PDE1C: variants seen among roughly 807,000 people sequenced by gnomAD.
PDE1C encodes phosphodiesterase 1C.
PDE1C carries 62 observed loss-of-function variants against 93.1 expected under a neutral mutation model. The ratio of observed to expected loss-of-function variants is 0.67; its 90% CI spans 0.54 to 0.82. The LOEUF is 0.82. PDE1C is among the 40% of genes least tolerant of loss of function. The pLI is 0.00. For missense variants in PDE1C, 742 were observed against 884.6 expected (o/e 0.84, Z 2.04); for synonymous variants, 325 against 310.1 (o/e 1.05, Z -0.50).
At chr7:31,688,861 C>T in the PDE1C span, among the ~76,000 whole-genome samples, 4 of 152,292 alleles carry the variant, frequency 2.6e-5, no homozygotes, top group African/African-American at 7.2e-5. Flanking sequence ...AAGAGTAATT[C>T]GATCAATACT....
At chr7:31,818,867 T>G (rs1393303418) in intron 14 of PDE1C, among the ~76,000 whole-genome samples, 1 of 152,178 alleles carries the variant, frequency 6.6e-6, no homozygotes, top group Non-Finnish European at 1.5e-5. Context: ...CTGAAGGTAT[T>G]AAATGCTGGT....
At chr7:31,725,253 G>T in the PDE1C span, among the ~76,000 whole-genome samples, 1 of 152,146 alleles carries the variant, frequency 6.6e-6, no homozygotes. Context: ...GTACTGGTAG[G>T]TATGAAGGGA....
intron 8 of PDE1C, among the ~76,000 whole-genome samples, chr7:31,850,228 G>A (rs1793162819): frequency 6.6e-6 from 1 of 152,090 alleles, no homozygotes; most frequent in Non-Finnish European, 1.5e-5. Context: ...TCAGAGATCA[G>A]AGGGTAAGAT....
At chr7:32,056,363 A>T (rs867343187) in intron 1 of PDE1C, among the ~76,000 whole-genome samples, 63 of 78,052 alleles carry the variant, frequency 8.1e-4, no homozygotes, top group African/African-American at 9.5e-4. Flanking sequence ...TCTCTCTCTC[A>T]CTGAAACACA....
At chr7:31,760,759 T>TACACACACACACACAC (rs10573498) in intron 17 of PDE1C, among the ~76,000 whole-genome samples, 11 of 148,690 alleles carry the variant, frequency 7.4e-5, no homozygotes, top group East Asian at 2.0e-4. Flanking sequence ...CTGCAATGTG[T>TACACACACACACACAC]ACACACACAC....
At chr7:31,902,363 C>G (rs1800089644) in intron 2 of PDE1C, among the ~76,000 whole-genome samples, 1 of 151,852 alleles carries the variant, frequency 6.6e-6, no homozygotes, top group Non-Finnish European at 1.5e-5. Flanking sequence ...TAAAATTTCA[C>G]TGGGATTTCA....
chr7:31,851,098 ACAT>A (rs796194711), intron 7 of PDE1C, among the ~76,000 whole-genome samples: 197 of 1,744 alleles, frequency 0.11, 3 homozygotes, highest in East Asian at 0.5. Context: ...ACACACACAC[ACAT>A]AAAAAAATTA....
chr7:32,302,106 C>G (rs964596893), upstream of PDE1C, among the ~76,000 whole-genome samples: 1 of 152,146 alleles, frequency 6.6e-6, no homozygotes, highest in African/African-American at 2.4e-5. Context: ...ACCATATGGC[C>G]TGCAAAGCCA....
intron 2 of PDE1C, among the ~76,000 whole-genome samples, chr7:31,899,243 A>G (rs1799682884): frequency 6.9e-6 from 1 of 145,976 alleles, no homozygotes; most frequent in South Asian, 2.1e-4. Flanking sequence ...GGTTCACACC[A>G]TTCTCCTGCG....
the PDE1C span, chr7:31,697,043 A>T: frequency 6.2e-7 from 1 of 1,614,184 alleles, no homozygotes; most frequent in Non-Finnish European, 8.5e-7. Flanking sequence ...CCTGTTCTTC[A>T]TAACACTGAC....
rs1562791614 is a variant in PDE1C at position 31,786,900 on chromosome 7, TCTATCTATCTATCTATCTATC to T, written c.1892-11189_1892-11169del. The stretch of plus-strand genomic sequence containing the variant: ...AGAAGAAAATATATTATATTATCTA[TCTATCTATCTATCTATCTATC>T]TATCTATCTATCTATCTATCTATCT... On this transcript the variant is annotated intron_variant, in intron 16 of 17. Transcript: ENST00000396191. The T allele has an allele frequency of 0.031, 159 of 5,132 alleles. No homozygotes were observed. In the Middle Eastern group the frequency reaches 0.4, roughly 13 times the overall value. 0.3% of individuals were successfully genotyped at this position (5,132 alleles called of 1,614,324 possible).
At chr7:31,892,725 G>A (rs1798799787) in intron 2 of PDE1C, among the ~76,000 whole-genome samples, 1 of 152,010 alleles carries the variant, frequency 6.6e-6, no homozygotes, top group Non-Finnish European at 1.5e-5. Flanking sequence ...GTCTTTCTGT[G>A]TCTGGCTTAT....
the PDE1C span, among the ~76,000 whole-genome samples, chr7:31,743,332 G>A: frequency 2.0e-4 from 30 of 152,000 alleles, no homozygotes; most frequent in African/African-American, 5.5e-4. Flanking sequence ...GGCCTTCTTC[G>A]GATCAAAAGT....
intron 2 of PDE1C, among the ~76,000 whole-genome samples, chr7:31,933,171 A>C (rs1165958578): frequency 6.6e-6 from 1 of 152,150 alleles, no homozygotes; most frequent in Non-Finnish European, 1.5e-5. Flanking sequence ...ACCATGGTAC[A>C]TGTATACCTA....
chr7:32,249,379 T>A (rs1585027511), intron 1 of PDE1C, among the ~76,000 whole-genome samples: 1 of 151,972 alleles, frequency 6.6e-6, no homozygotes, highest in African/African-American at 2.4e-5. Context: ...CCTTAGAGGA[T>A]CTGCTGAGCA....
the PDE1C span, among the ~76,000 whole-genome samples, chr7:31,684,007 G>A: frequency 2.0e-5 from 3 of 152,182 alleles, no homozygotes; most frequent in Non-Finnish European, 2.9e-5. Context: ...CTTATGCTGG[G>A]AGCGCTGTAG....
chr7:32,127,623 TC>T (rs1265393110), intron 3 of PDE1C, among the ~76,000 whole-genome samples: 1 of 151,886 alleles, frequency 6.6e-6, no homozygotes, highest in Non-Finnish European at 1.5e-5. Context: ...TTCTCATATA[TC>T]AACAATAAGC....
intron 3 of PDE1C, among the ~76,000 whole-genome samples, chr7:32,111,696 A>G (rs923595550): frequency 1.3e-5 from 2 of 152,176 alleles, no homozygotes; most frequent in African/African-American, 4.8e-5. Flanking sequence ...GCAGATTGTG[A>G]GCAAAAAAAG....
At chr7:31,992,353 A>G (rs1167674620) in intron 2 of PDE1C, among the ~76,000 whole-genome samples, 1 of 152,260 alleles carries the variant, frequency 6.6e-6, no homozygotes, top group Non-Finnish European at 1.5e-5. Flanking sequence ...AGGAGGCACC[A>G]GTACCTGGTG....
Sources: allele counts gnomAD v4.1 joint callset (sites outside exome capture counted in the v4.1 genomes callset), GRCh38; gene constraint gnomAD v4.1.1; transcripts MANE v1.5; gene names NCBI Gene and HGNC (gene_info 2026-07-23, HGNC 2026-07-21).